The following CACNG3 variants were observed in gnomAD, a reference collection of about 807,000 sequenced individuals.
The protein encoded by CACNG3 is calcium voltage-gated channel auxiliary subunit gamma 3, also known as voltage-dependent calcium channel gamma-3 subunit.
A neutral mutation model predicts 28.5 loss-of-function variants in CACNG3; 3 were observed. The ratio of observed to expected loss-of-function variants is 0.11; its 90% CI spans 0.05 to 0.27. The LOEUF is 0.27. Ranked by LOEUF, CACNG3 falls within the 10% of genes least tolerant of loss-of-function variation. The pLI, the probability that CACNG3 is intolerant of heterozygous loss-of-function variation, is 1.00. For synonymous variants in CACNG3, 174 were observed against 162.2 expected (o/e 1.07, Z -0.55); for missense variants, 236 against 414.4 (o/e 0.57, Z 3.74).
Position 24,357,772 on chromosome 16 carries a change from C to T in CACNG3, c.436+2799C>T, listed in dbSNP as rs569939955. 1.4e-3 allele frequency among the ~76,000 whole-genome samples: 210 copies of T among 152,314 alleles called. 1 individual carries two copies. Among genetic ancestry groups the T allele is most frequent in the Non-Finnish European group, 2.4e-3 (166 of 68,030 alleles). ...CATCCAGATCTCCCGGGTGCTTGGC[C>T]GATCCAGAGGATCAGTACCAGTGTC... On this transcript the variant is annotated intron_variant, in intron 3 of 3. Coordinates refer to ENST00000005284, the MANE Select transcript of CACNG3 (RefSeq NM_006539.4).
At position 24,361,595 on chromosome 16, in the gene CACNG3, A is replaced by G; in HGVS notation, c.680A>G (p.Tyr227Cys). The G allele has an allele frequency of 1.2e-6, 2 of 1,613,458 alleles. No individual in the cohort carries two copies. The highest frequency in any genetic ancestry group is 1.1e-5 in the South Asian group (1 of 91,034). Residue 227 changes from tyrosine (Y) to cysteine (C), a missense_variant, in exon 4 of 4, where the codon TAC (tyrosine) becomes TGC (cysteine). Coordinates refer to ENST00000005284, the MANE Select transcript of CACNG3 (RefSeq NM_006539.4). This position sits in a 1 kb window ranked among gnomAD's most constrained non-coding sequence, Gnocchi z 6.8. Reference sequence around the variant, plus strand: ...TCTACTTTTGCCCGCCTCCCACCCTACAGGTATCGATTCCGGAGGCGGTCA... The same window carrying G: ...TCTACTTTTGCCCGCCTCCCACCCTGCAGGTATCGATTCCGGAGGCGGTCA... ...KKSTFARLPP[Y>C]RYRFRRRSSS...
At chr16:24,315,565 TTTTC>T (rs1331147833) in intron 1 of CACNG3, among the ~76,000 whole-genome samples, 6 of 151,584 alleles carry the variant, frequency 4.0e-5, no homozygotes, top group South Asian at 4.2e-4. Flanking sequence ...TCTTTCTTTC[TTTTC>T]TTTCTTTCTT....
At chr16:24,323,345 C>T (rs1004737996) in intron 1 of CACNG3, among the ~76,000 whole-genome samples, 1 of 151,970 alleles carries the variant, frequency 6.6e-6, no homozygotes, top group Non-Finnish European at 1.5e-5. Context: ...CTATACTAGA[C>T]CCTAGCATGG....
intron 1 of CACNG3, among the ~76,000 whole-genome samples, chr16:24,299,702 G>C (rs1194668204): frequency 6.6e-6 from 1 of 152,132 alleles, no homozygotes; most frequent in Non-Finnish European, 1.5e-5. Context: ...TGTATCCAGT[G>C]TAAAGACATG....
At chr16:24,339,387 C>CTT (rs1172337482) in intron 1 of CACNG3, among the ~76,000 whole-genome samples, 7 of 143,282 alleles carry the variant, frequency 4.9e-5, no homozygotes, top group Admixed American at 7.0e-5. Flanking sequence ...CTGCTTCTTC[C>CTT]TTTTTTTTTT....
At chr16:24,318,057 C>T (rs1327118806) in intron 1 of CACNG3, among the ~76,000 whole-genome samples, 2 of 152,204 alleles carry the variant, frequency 1.3e-5, no homozygotes, top group African/African-American at 4.8e-5. Flanking sequence ...TATCCTGCCT[C>T]CTTGTTTATT....
intron 1 of CACNG3, among the ~76,000 whole-genome samples, chr16:24,327,278 G>T (rs553806756): frequency 2.6e-4 from 39 of 151,354 alleles, no homozygotes; most frequent in Non-Finnish European, 4.4e-4. Context: ...GTTCATCCAG[G>T]CTGGGTGCTG....
intron 1 of CACNG3, among the ~76,000 whole-genome samples, chr16:24,321,184 G>A (rs952087113): frequency 2.6e-5 from 4 of 152,168 alleles, no homozygotes; most frequent in Non-Finnish European, 5.9e-5. Context: ...TTGGTTATCA[G>A]GCCAGGCACA....
intron 2 of CACNG3, among the ~76,000 whole-genome samples, chr16:24,350,101 T>A (rs1473791862): frequency 1.3e-5 from 2 of 152,200 alleles, no homozygotes; most frequent in Non-Finnish European, 2.9e-5. Flanking sequence ...ATATGTCCAC[T>A]GGGCTAAAAC....
chr16:24,327,814 C>T (rs927732559), intron 1 of CACNG3, among the ~76,000 whole-genome samples: 1 of 151,612 alleles, frequency 6.6e-6, no homozygotes, highest in African/African-American at 2.4e-5. Flanking sequence ...TAGTGGTGAG[C>T]AACTGTAGTC....
chr16:24,356,897 G>A (rs959782203), intron 3 of CACNG3, among the ~76,000 whole-genome samples: 4 of 152,118 alleles, frequency 2.6e-5, no homozygotes, highest in Non-Finnish European at 5.9e-5. Flanking sequence ...CGAAGGAGGA[G>A]CAAAGTCATG....
chr16:24,340,820 C>T (rs1377745456), intron 1 of CACNG3, among the ~76,000 whole-genome samples: 1 of 152,198 alleles, frequency 6.6e-6, no homozygotes. Context: ...TCACACATGC[C>T]CTTCGCTGGG....
chr16:24,326,350 T>C (rs891510443), intron 1 of CACNG3, among the ~76,000 whole-genome samples: 2 of 152,080 alleles, frequency 1.3e-5, no homozygotes, highest in African/African-American at 4.8e-5. Context: ...TTTGTATTTT[T>C]AGTAGAGACA....
chr16:24,353,150 A>G (rs181502675), intron 2 of CACNG3, among the ~76,000 whole-genome samples: 18 of 151,620 alleles, frequency 1.2e-4, no homozygotes, highest in Non-Finnish European at 2.5e-4. Context: ...TGATTTTTGT[A>G]TTTTTAGTAG....
chr16:24,353,575 T>G (rs1899987742), intron 2 of CACNG3, among the ~76,000 whole-genome samples: 1 of 152,138 alleles, frequency 6.6e-6, no homozygotes, highest in African/African-American at 2.4e-5. Flanking sequence ...GGACTCTGCT[T>G]CGACTCCTCA....
intron 1 of CACNG3, among the ~76,000 whole-genome samples, chr16:24,278,070 T>A (rs1467709459): frequency 2.0e-5 from 3 of 152,004 alleles, no homozygotes; most frequent in Non-Finnish European, 2.9e-5. Flanking sequence ...TTTTGAGACG[T>A]AAGAAGGGAG....
chr16:24,305,912 A>G (rs889557484), intron 1 of CACNG3, among the ~76,000 whole-genome samples: 1 of 152,184 alleles, frequency 6.6e-6, no homozygotes, highest in Non-Finnish European at 1.5e-5. Context: ...GCCTTAAGCA[A>G]TTCTCTGCCC....
At chr16:24,275,302 G>A (rs939815443) in intron 1 of CACNG3, among the ~76,000 whole-genome samples, 12 of 152,206 alleles carry the variant, frequency 7.9e-5, no homozygotes, top group African/African-American at 2.9e-4. Flanking sequence ...AAGGAAGGCT[G>A]TGGCTCAGTA....
In CACNG3 at chr16:24,361,339, C is replaced by T. The variant is rs745589919; in HGVS notation, c.437-13C>T. The T allele has an allele frequency of 1.3e-6, 2 of 1,555,302 alleles. No homozygotes were observed. Among genetic ancestry groups the T allele is most frequent in the Non-Finnish European group, 1.7e-6 (2 of 1,153,192 alleles). On this transcript the variant is annotated splice_polypyrimidine_tract_variant and intron_variant, in intron 3 of 3. Transcript: ENST00000005284. This position sits in a 1 kb window ranked among gnomAD's most constrained non-coding sequence, Gnocchi z 6.8. ...TGTATAAAGGACGTGTTTTTCTTTT[C>T]CCCTTCTCTTAGGGTTAAGCAACAT... is the stretch of plus-strand genomic sequence containing the variant.
Sources: gnomAD v4.1 joint callset for allele counts (sites outside exome capture counted in the v4.1 genomes callset) on GRCh38, gnomAD v4.1.1 for gene constraint, Gnocchi (gnomAD v3.1) non-coding constraint, MANE v1.5 for transcripts, NCBI Gene and HGNC (gene_info 2026-07-23, HGNC 2026-07-21) for gene names.